Variants in MED14 observed in about 807,000 individuals in gnomAD.
MED14 encodes the protein mediator complex subunit 14.
Under a neutral mutation model 109.0 loss-of-function variants are expected in MED14, and 8 were observed. The observed-to-expected ratio is 0.07, with a 90% CI of 0.04 to 0.13. MED14 has a LOEUF of 0.13. MED14 is among the 10% of genes least tolerant of loss of function. The pLI, the probability that MED14 is intolerant of heterozygous loss-of-function variation, is 1.00. For missense variants in MED14, 711 were observed against 1,142.4 expected, an observed-to-expected ratio of 0.62 and a Z score of 5.44; for synonymous variants, 399 against 408.7, an observed-to-expected ratio of 0.98 and a Z score of 0.29.
In MED14 at chrX:40,711,310, T is replaced by C; in HGVS notation, c.890-9A>G. ...TGATAAACAGAAAGAATCTGATAGA[T>C]GTTGTTAAGTAAAATTAATACATTA... On this transcript the variant is annotated splice_polypyrimidine_tract_variant and intron_variant, in intron 7 of 30. Transcript: ENST00000324817. The C allele has an allele frequency of 8.5e-7, 1 of 1,175,371 alleles. No individual in the cohort carries two copies. Among genetic ancestry groups the C allele is most frequent in the Non-Finnish European group, 1.2e-6 (1 of 867,063 alleles).
intron 30 of MED14, 129 bp downstream of exon 30, chrX:40,654,235 C>T: frequency 1.8e-6 from 1 of 546,090 alleles, no homozygotes. Context: ...GCCACGGCAA[C>T]CAGACCTCTA....
intron 1 of MED14, among the ~76,000 whole-genome samples, chrX:40,731,074 AAGGCTGC>A (rs1932065829): frequency 1.8e-5 from 2 of 108,729 alleles, no homozygotes; most frequent in Admixed American, 2.0e-4. Flanking sequence ...CCTGGAAGTC[AAGGCTGC>A]AGTGAGCCAT....
In MED14 at chrX:40,697,116, A is replaced by C. The variant is rs780648444; in HGVS notation, c.1558T>G (p.Leu520Val). The C allele has an allele frequency of 3.4e-6, 4 of 1,190,620 alleles. No homozygotes were observed. The highest frequency in any genetic ancestry group is 3.4e-6 in the Non-Finnish European group (3 of 876,291). ...KHLPTISSET[L>V]QLSNYSTHPI... ...TGAGTTGAGTAATTGGAAAGCTGCA[A>C]TGTTTCACTGCTTATCGTAGGCAGA... The change falls in exon 13 of 31, where the codon TTG becomes GTG. Residue 520 changes from leucine to valine, a missense_variant. By Grantham distance (32) the Leu-to-Val change is conservative (BLOSUM62 1). This residue lies in a region of MED14 where 388 missense variants were observed against 517.3 expected (regional missense o/e 0.75). Transcript: ENST00000324817.
chrX:40,709,059 C>G (rs181324931), intron 10 of MED14, among the ~76,000 whole-genome samples: 2 of 111,354 alleles, frequency 1.8e-5, no homozygotes, highest in Non-Finnish European at 3.8e-5. Flanking sequence ...CCTTACATCT[C>G]GGCCTCCCAA....
Position 40,709,351 on chromosome X carries a change from T to C in MED14, c.1282A>G (p.Asn428Asp). Residue 428 changes from asparagine to aspartate, a missense_variant, in exon 10 of 31, where the codon AAC becomes GAC. Physicochemically the swap from Asn to Asp is conservative, Grantham distance 23 (BLOSUM62 1). This residue lies in a region of MED14 where 388 missense variants were observed against 517.3 expected (regional missense o/e 0.75). Transcript: ENST00000324817. ...AILRGFNANE[N>D]SSIETALPAL... is the part of the protein sequence containing the mutation. ...ATGTCAATTTAAAAGAACCTACAGT[T>C]TTCATTGGCATTGAAGCCTCTAAGA... The C allele has an allele frequency of 9.7e-7, 1 of 1,028,715 alleles. No homozygotes were observed. The highest frequency in any genetic ancestry group is 1.3e-6 in the Non-Finnish European group (1 of 767,624). 84.8% of individuals were successfully genotyped at this position (1,028,715 alleles called of 1,213,427 possible).
chrX:40,694,089 G>T (rs931253554), intron 13 of MED14, among the ~76,000 whole-genome samples: 5 of 111,059 alleles, frequency 4.5e-5, no homozygotes, highest in African/African-American at 1.6e-4. Flanking sequence ...ATTAGAGGTG[G>T]GGTTTTGCCA....
At chrX:40,653,378 C>T (rs555805465) in intron 30 of MED14, among the ~76,000 whole-genome samples, 5 of 111,783 alleles carry the variant, frequency 4.5e-5, no homozygotes, top group African/African-American at 1.6e-4. Context: ...CCAGTGTATT[C>T]CTTATACATT....
chrX:40,658,399 C>T (rs1929142248), intron 28 of MED14, among the ~76,000 whole-genome samples: 1 of 111,318 alleles, frequency 9.0e-6, no homozygotes, highest in South Asian at 3.7e-4. Flanking sequence ...GCCTGCACTT[C>T]AGTTTTAATA....
Position 40,713,920 on chromosome X carries a change from T to C in MED14, c.523-13A>G, listed in dbSNP as rs1328346574. On this transcript the variant is annotated splice_polypyrimidine_tract_variant and intron_variant, in intron 4 of 30. Coordinates refer to ENST00000324817, the MANE Select transcript of MED14 (RefSeq NM_004229.4). ...GAATAATTTTGTCCTGCAAAAAAAT[T>C]TAAGTGATTTTTAAATAATGTACAA... is the stretch of plus-strand genomic sequence containing the variant. The C allele has an allele frequency of 7.5e-6, 9 of 1,199,302 alleles. No homozygotes were observed. Among genetic ancestry groups the C allele is most frequent in the Non-Finnish European group, 1.0e-5 (9 of 888,220 alleles).
At chrX:40,715,437 G>A (rs921557854) in intron 3 of MED14, among the ~76,000 whole-genome samples, 11 of 111,114 alleles carry the variant, frequency 9.9e-5, no homozygotes, top group African/African-American at 3.6e-4. Context: ...AAAGGCTTAA[G>A]CATGAGACCT....
At chrX:40,733,447 G>C (rs1238136482) in intron 1 of MED14, among the ~76,000 whole-genome samples, 1 of 111,958 alleles carries the variant, frequency 8.9e-6, no homozygotes, top group African/African-American at 3.3e-5. Context: ...AACCATCGAA[G>C]GGTTCTAAGC....
chrX:40,732,008 T>C (rs1932093903), intron 1 of MED14, among the ~76,000 whole-genome samples: 1 of 112,313 alleles, frequency 8.9e-6, no homozygotes, highest in Non-Finnish European at 1.9e-5. Context: ...TAATGTCAGG[T>C]GGCAATAAGT....
intron 22 of MED14, among the ~76,000 whole-genome samples, chrX:40,674,622 T>C (rs1929851618): frequency 8.9e-6 from 1 of 111,994 alleles, no homozygotes; most frequent in South Asian, 3.7e-4. Flanking sequence ...CATTGAGGAT[T>C]TTCCAGACTA....
intron 3 of MED14, among the ~76,000 whole-genome samples, chrX:40,720,275 G>T (rs182438338): frequency 8.9e-6 from 1 of 112,122 alleles, no homozygotes; most frequent in Non-Finnish European, 1.9e-5. Flanking sequence ...AAGAGGCATT[G>T]AGGAGGGCAG....
intron 11 of MED14, among the ~76,000 whole-genome samples, chrX:40,701,972 T>A (rs1315644842): frequency 9.0e-6 from 1 of 111,324 alleles, no homozygotes; most frequent in Non-Finnish European, 1.9e-5. Flanking sequence ...AGGGACTTCA[T>A]GAAGGGATCA....
At chrX:40,662,076 G>A (rs1350491623) in intron 26 of MED14, among the ~76,000 whole-genome samples, 1 of 110,654 alleles carries the variant, frequency 9.0e-6, no homozygotes. Flanking sequence ...ATGTTGCCCA[G>A]GCTGGTCTTG....
chrX:40,695,349 T>A (rs1438305127), intron 13 of MED14, among the ~76,000 whole-genome samples: 2 of 112,038 alleles, frequency 1.8e-5, no homozygotes, highest in East Asian at 5.6e-4. Flanking sequence ...GAAAGACATT[T>A]AAGGGGATAT....
At chrX:40,732,596 T>C (rs1221751633) in intron 1 of MED14, among the ~76,000 whole-genome samples, 2 of 106,130 alleles carry the variant, frequency 1.9e-5, no homozygotes, top group East Asian at 5.9e-4. Context: ...CTGGGCAACA[T>C]AGTGAGACTC....
intron 5 of MED14, among the ~76,000 whole-genome samples, chrX:40,713,366 G>GC (rs1240069429): frequency 8.9e-6 from 1 of 112,100 alleles, no homozygotes; most frequent in Non-Finnish European, 1.9e-5. Context: ...GATACAGCTG[G>GC]CAAGTCGTAG....
Sources: allele counts gnomAD v4.1 joint callset (sites outside exome capture counted in the v4.1 genomes callset), GRCh38; gene constraint gnomAD v4.1.1; regional missense constraint gnomAD v4.1.1; transcripts MANE v1.5; gene names NCBI Gene and HGNC (gene_info 2026-07-23, HGNC 2026-07-21).